DYRK1A: variants seen among roughly 807,000 people sequenced by gnomAD.
DYRK1A encodes the protein dual specificity tyrosine-phosphorylation-regulated kinase 1A.
DYRK1A carries 9 observed loss-of-function variants against 79.7 expected under a neutral mutation model. The observed-to-expected ratio is 0.11, with a 90% CI of 0.07 to 0.20. DYRK1A has a LOEUF of 0.20. DYRK1A is among the 10% of genes least tolerant of loss of function. The pLI, the probability that DYRK1A is intolerant of heterozygous loss-of-function variation, is 1.00. For synonymous variants in DYRK1A, 349 were observed against 329.7 expected (o/e 1.06, Z -0.63); for missense variants, 622 against 956.0 (o/e 0.65, Z 4.61).
Position 37,514,296 on chromosome 21 carries a change from C to T in DYRK1A, c.*1765C>T, listed in dbSNP as rs1040452478. On this transcript the variant is annotated 3_prime_UTR_variant, in exon 12 of 12. Transcript: ENST00000647188. The stretch of plus-strand genomic sequence containing the variant: ...TTACGCTGCCTTAATGTAACACAGT[C>T]TGGCAGTTGCTAAATTTGTGTTCCC... 9 of 152,616 alleles carry T rather than the reference C, an allele frequency of 5.9e-5. No homozygotes were observed. The highest frequency in any genetic ancestry group is 1.5e-5 in the Non-Finnish European group (1 of 68,048). 9.5% of individuals were successfully genotyped at this position (152,616 alleles called of 1,614,324 possible). A position where few individuals can be genotyped will look rare whatever the true frequency, so the allele number is the denominator to read the frequency against.
chr21:37,434,457 C>T (rs1027357535), intron 2 of DYRK1A, among the ~76,000 whole-genome samples: 2 of 152,200 alleles, frequency 1.3e-5, no homozygotes, highest in African/African-American at 4.8e-5. Context: ...AAGAAACTCT[C>T]AACCACTCAG....
chr21:37,381,119 G>C (rs2049649680), intron 1 of DYRK1A, among the ~76,000 whole-genome samples: 1 of 152,096 alleles, frequency 6.6e-6, no homozygotes, highest in South Asian at 2.1e-4. Flanking sequence ...CAGGGTGCTT[G>C]GCACATAGTA....
chr21:37,508,799 C>G (rs754779991), intron 11 of DYRK1A, among the ~76,000 whole-genome samples: 1 of 152,108 alleles, frequency 6.6e-6, no homozygotes, highest in African/African-American at 2.4e-5. Context: ...TGCTCTCAGC[C>G]TGGAACACTC....
At position 37,522,605 on chromosome 21, in the gene DYRK1A, T is replaced by C. The variant is rs1413609102; in HGVS notation, c.*10074T>C. 2 of 152,228 alleles carry C rather than the reference T, an allele frequency of 1.3e-5. No homozygotes were observed. Among genetic ancestry groups the C allele is most frequent in the Non-Finnish European group, 2.9e-5 (2 of 68,048 alleles). The allele number at this position is 152,228 out of a possible 1,614,324, so 9.4% of individuals were successfully genotyped here. ...GAAAATGTAGTGAAGGATGCCTGTA[T>C]TGTCCTAATGAACCACACTGGTGCC... On this transcript the variant is annotated 3_prime_UTR_variant, in exon 12 of 12. Transcript: ENST00000647188.
chr21:37,448,000 TA>T (rs2051327334), intron 2 of DYRK1A, among the ~76,000 whole-genome samples: 1 of 152,208 alleles, frequency 6.6e-6, no homozygotes, highest in African/African-American at 2.4e-5. Context: ...TTCAAGGTGT[TA>T]AGAGCTGTTA....
chr21:37,499,421 A>C (rs867852884), intron 9 of DYRK1A, among the ~76,000 whole-genome samples: 4 of 152,120 alleles, frequency 2.6e-5, no homozygotes, highest in Non-Finnish European at 4.4e-5. Context: ...CTTTCTTTTC[A>C]CATATGGATT....
At chr21:37,425,186 T>A (rs1285711543) in intron 2 of DYRK1A, among the ~76,000 whole-genome samples, 1 of 152,142 alleles carries the variant, frequency 6.6e-6, no homozygotes, top group African/African-American at 2.4e-5. Flanking sequence ...GGTCAGGGGG[T>A]TAAGGCTTAT....
At chr21:37,511,298 A>T (rs1170044402) in intron 11 of DYRK1A, among the ~76,000 whole-genome samples, 2 of 152,170 alleles carry the variant, frequency 1.3e-5, no homozygotes, top group African/African-American at 4.8e-5. Flanking sequence ...AAGTGATTGG[A>T]TTTGTGTTAA....
intron 2 of DYRK1A, among the ~76,000 whole-genome samples, chr21:37,466,165 C>A (rs962127278): frequency 6.6e-6 from 1 of 152,210 alleles, no homozygotes; most frequent in African/African-American, 2.4e-5. Flanking sequence ...ACCCATCTTT[C>A]CTTCCAGATG....
At chr21:37,506,767 T>C (rs1227187611) in intron 11 of DYRK1A, among the ~76,000 whole-genome samples, 1 of 152,232 alleles carries the variant, frequency 6.6e-6, no homozygotes, top group African/African-American at 2.4e-5. Flanking sequence ...ATGGTAAAAA[T>C]ATTTAAATAA....
chr21:37,376,257 C>T (rs1479293465), intron 1 of DYRK1A, among the ~76,000 whole-genome samples: 4 of 152,140 alleles, frequency 2.6e-5, no homozygotes, highest in African/African-American at 7.2e-5. Flanking sequence ...TGCCTGTAAT[C>T]GCAGCACTTT....
Position 37,516,848 on chromosome 21 carries a change from A to G in DYRK1A, c.*4317A>G, listed in dbSNP as rs992478134. 2 of 152,156 alleles carry G rather than the reference A, an allele frequency of 1.3e-5. No homozygotes were observed. The highest frequency in any genetic ancestry group is 1.3e-4 in the Admixed American group (2 of 15,270). 9.4% of individuals were successfully genotyped at this position (152,156 alleles called of 1,614,324 possible). On this transcript the variant is annotated 3_prime_UTR_variant, in exon 12 of 12. Coordinates refer to ENST00000647188, the MANE Select transcript of DYRK1A (RefSeq NM_001347721.2). ...GTATTTATTTCTAATTTCCTACTTT[A>G]AATCTTAGGAGACAAAGTGTTTCTC... is the stretch of plus-strand genomic sequence containing the variant.
At chr21:37,404,238 A>T (rs1229861454) in intron 1 of DYRK1A, among the ~76,000 whole-genome samples, 1 of 152,220 alleles carries the variant, frequency 6.6e-6, no homozygotes, top group Non-Finnish European at 1.5e-5. Context: ...TAAGATGCAC[A>T]TACCCAGAAT....
intron 2 of DYRK1A, among the ~76,000 whole-genome samples, chr21:37,443,087 G>T (rs1402962210): frequency 6.6e-6 from 1 of 152,106 alleles, no homozygotes; most frequent in Non-Finnish European, 1.5e-5. Flanking sequence ...GCCTCTCAAA[G>T]TGCTGAGATT....
At chr21:37,485,924 AT>A (rs36055374) in intron 5 of DYRK1A, among the ~76,000 whole-genome samples, 3 of 151,014 alleles carry the variant, frequency 2.0e-5, no homozygotes, top group Non-Finnish European at 4.4e-5. Context: ...TTTGTGTTTG[AT>A]TTTTTTTTAG....
chr21:37,454,375 A>G (rs1284618312), intron 2 of DYRK1A, among the ~76,000 whole-genome samples: 1 of 152,026 alleles, frequency 6.6e-6, no homozygotes, highest in Non-Finnish European at 1.5e-5. Context: ...TTGTAAGTGT[A>G]AGCCACCGTA....
intron 9 of DYRK1A, chr21:37,503,773 A>T (rs562881890): frequency 6.6e-6 from 1 of 152,176 alleles, no homozygotes; most frequent in Non-Finnish European, 1.5e-5. Context: ...TTCTACATCT[A>T]TTCATATGTT....
At chr21:37,434,402 T>C (rs996091022) in intron 2 of DYRK1A, among the ~76,000 whole-genome samples, 3 of 152,290 alleles carry the variant, frequency 2.0e-5, no homozygotes, top group Admixed American at 2.0e-4. Flanking sequence ...GGGAACTGTG[T>C]CTCCTTGACA....
rs201987908 is a variant in DYRK1A at position 37,490,245 on chromosome 21, C to T, written c.708C>T (p.Leu236=). 1.9e-6 allele frequency: 3 copies of T among 1,613,722 alleles called. No homozygotes were observed. The highest frequency in any genetic ancestry group is 1.1e-5 in the South Asian group (1 of 91,080). The change falls in exon 7 of 12, where the codon CTC becomes CTT. Residue 236 remains leucine (L), a synonymous_variant. Transcript: ENST00000647188. ...CLVFEMLSYN[L]YDLLRNTNFR... ...TTTTTGAAATGCTGTCCTACAACCTCTATGACTTGCTGAGAAACACCAATT... is the reference window on the plus strand; with the variant it reads ...TTTTTGAAATGCTGTCCTACAACCTTTATGACTTGCTGAGAAACACCAATT...
Sources: gnomAD v4.1 joint callset for allele counts (sites outside exome capture counted in the v4.1 genomes callset) on GRCh38, gnomAD v4.1.1 for gene constraint, MANE v1.5 for transcripts, NCBI Gene and HGNC (gene_info 2026-07-23, HGNC 2026-07-21) for gene names.